FIP1L1: variants seen among roughly 807,000 people sequenced by gnomAD.
The protein encoded by FIP1L1 is factor interacting with PAPOLA and CPSF1, also known as pre-mRNA 3'-end-processing factor FIP1.
FIP1L1 carries 21 observed loss-of-function variants against 84.6 expected under a neutral mutation model. The ratio of observed to expected loss-of-function variants is 0.25; its 90% confidence interval spans 0.18 to 0.36. FIP1L1 has a LOEUF of 0.36. FIP1L1 is among the 10% of genes least tolerant of loss of function. The pLI is 1.00. For missense variants in FIP1L1, 526 were observed against 751.1 expected, an observed-to-expected ratio of 0.70 and a Z score of 3.50; for synonymous variants, 263 against 242.3, an observed-to-expected ratio of 1.09 and a Z score of -0.80.
chr4:53,457,844 CAGTT>C (rs1720127596), intron 16 of FIP1L1, among the ~76,000 whole-genome samples: 1 of 152,040 alleles, frequency 6.6e-6, no homozygotes, highest in African/African-American at 2.4e-5. Flanking sequence ...AAGAGAATGT[CAGTT>C]AAAGGACATG....
At chr4:53,456,889 GAA>G (rs1367898657) in intron 16 of FIP1L1, among the ~76,000 whole-genome samples, 1 of 151,924 alleles carries the variant, frequency 6.6e-6, no homozygotes, top group Non-Finnish European at 1.5e-5. Flanking sequence ...AGGGTAAGAG[GAA>G]AAAGAGTTAA....
intron 10 of FIP1L1, among the ~76,000 whole-genome samples, chr4:53,407,066 T>G (rs1753976507): frequency 6.6e-6 from 1 of 152,222 alleles, no homozygotes; most frequent in African/African-American, 2.4e-5. Context: ...TGAATGTGTT[T>G]GCTCTTGCTT....
At chr4:53,385,301 A>T (rs992635882) in intron 5 of FIP1L1, among the ~76,000 whole-genome samples, 1 of 152,138 alleles carries the variant, frequency 6.6e-6, no homozygotes, top group African/African-American at 2.4e-5. Flanking sequence ...GCAAATGACA[A>T]TTTTTTTGGA....
At chr4:53,417,264 C>G (rs982331400) in intron 11 of FIP1L1, among the ~76,000 whole-genome samples, 2 of 152,130 alleles carry the variant, frequency 1.3e-5, no homozygotes, top group Admixed American at 6.5e-5. Context: ...ACACCCTTCA[C>G]TTTAACTTTG....
intron 10 of FIP1L1, among the ~76,000 whole-genome samples, chr4:53,407,221 G>A (rs1271676784): frequency 2.6e-5 from 4 of 151,986 alleles, no homozygotes; most frequent in South Asian, 2.1e-4. Context: ...CTTTGTTCTC[G>A]TTGGTTTCAA....
At chr4:53,412,069 C>T (rs986337893) in intron 10 of FIP1L1, among the ~76,000 whole-genome samples, 1 of 151,944 alleles carries the variant, frequency 6.6e-6, no homozygotes, top group Non-Finnish European at 1.5e-5. Context: ...AAAATTTAAA[C>T]TTACAAAGAA....
chr4:53,379,075 C>G lies in FIP1L1; in HGVS notation c.88C>G (p.Pro30Ala). Residue 30 changes from proline (P) to alanine (A), a missense_variant and splice_region_variant, in exon 2 of 18, where the codon CCA becomes GCA. Pro to Ala is a conservative substitution (Grantham distance 27, BLOSUM62 -1). Around this residue, in one of 6 missense-constraint regions of FIP1L1, gnomAD observed 100 missense variants for 107.2 expected, o/e 0.93. Coordinates refer to ENST00000337488, the MANE Select transcript of FIP1L1 (RefSeq NM_030917.4). ...DEEEEWLYGG[P>A]WDVHVHSDLA... ...TCTAACTTTGGATGTGCTTATAGGC[C>G]CATGGGACGTGCATGTGCACAGTGA... 1 of 1,613,824 alleles carries G rather than the reference C, an allele frequency of 6.2e-7. No homozygotes were observed. The highest frequency in any genetic ancestry group is 2.2e-5 in the East Asian group (1 of 44,840).
At chr4:53,438,588 G>A (rs1293710808) in intron 13 of FIP1L1, among the ~76,000 whole-genome samples, 1 of 152,056 alleles carries the variant, frequency 6.6e-6, no homozygotes, top group Non-Finnish European at 1.5e-5. Context: ...CTGATGTGTA[G>A]GTATTGATTG....
At chr4:53,389,965 GTC>G in intron 6 of FIP1L1, 92 bp downstream of exon 6, 5 of 896,450 alleles carry the variant, frequency 5.6e-6, no homozygotes, top group Non-Finnish European at 8.6e-6. Flanking sequence ...CGGGGACAGA[GTC>G]TGGCTCTGTC....
chr4:53,381,753 C>CATTTTTTTTTTTTTTTTTTT (rs1738037866), intron 3 of FIP1L1, among the ~76,000 whole-genome samples: 1 of 87,948 alleles, frequency 1.1e-5, no homozygotes, highest in Non-Finnish European at 2.0e-5. Flanking sequence ...CATTTGCATT[C>CATTTTTTTTTTTTTTTTTTT]TTTTTTTTTT....
intron 15 of FIP1L1, among the ~76,000 whole-genome samples, chr4:53,446,416 T>C (rs1774224270): frequency 6.6e-6 from 1 of 152,188 alleles, no homozygotes; most frequent in Non-Finnish European, 1.5e-5. Flanking sequence ...ATTATCACCC[T>C]AATCTCCAAC....
chr4:53,442,254 C>G (rs1372311664), intron 13 of FIP1L1: 1 of 156,120 alleles, frequency 6.4e-6, no homozygotes, highest in Non-Finnish European at 1.4e-5. Flanking sequence ...TTCTAAAACT[C>G]GAAATATTTT....
chr4:53,458,511 A>G (rs1473496038), intron 16 of FIP1L1, 142 bp from the exon 17 acceptor site: 4 of 669,502 alleles, frequency 6.0e-6, no homozygotes, highest in African/African-American at 5.4e-5. Context: ...AATTCAACGA[A>G]TATTTCTTCC....
At chr4:53,439,017 T>C (rs530233607) in intron 13 of FIP1L1, among the ~76,000 whole-genome samples, 2 of 152,288 alleles carry the variant, frequency 1.3e-5, no homozygotes, top group South Asian at 2.1e-4. Context: ...CTGTATCTTA[T>C]AAATCTACGA....
chr4:53,459,155 T>C, intron 17 of FIP1L1, 147 bp from the exon 18 acceptor site: 2 of 658,378 alleles, frequency 3.0e-6, no homozygotes, highest in Non-Finnish European at 5.2e-6. Context: ...ATAAAACTGA[T>C]TATTCCTCAC....
intron 15 of FIP1L1, among the ~76,000 whole-genome samples, chr4:53,446,517 G>C (rs1000185031): frequency 2.6e-5 from 4 of 152,102 alleles, no homozygotes; most frequent in African/African-American, 9.7e-5. Flanking sequence ...CCTAGGTTTG[G>C]GTCCTGGGTT....
chr4:53,430,606 G>A (rs1241578578), intron 13 of FIP1L1, among the ~76,000 whole-genome samples: 1 of 151,962 alleles, frequency 6.6e-6, no homozygotes, highest in Non-Finnish European at 1.5e-5. Flanking sequence ...CAAAGTACTG[G>A]CATTACAGGC....
chr4:53,395,641 C>G (rs1560501150), intron 9 of FIP1L1, among the ~76,000 whole-genome samples: 1 of 152,172 alleles, frequency 6.6e-6, no homozygotes, highest in East Asian at 1.9e-4. Flanking sequence ...TAAGTTGATT[C>G]CCAAAGACAG....
chr4:53,379,246 C>T lies in FIP1L1; in HGVS notation c.152C>T (p.Pro51Leu), dbSNP rs1736481334. ...GTAGATGAAAATGAAGTTGAAAGGC[C>T]AGAAGAAGAAAATGCCAGGTTAGTG... ...KDLDENEVER[P>L]EEENASANPP... The change falls in exon 3 of 18, where the codon CCA becomes CTA. Residue 51 changes from proline (P) to leucine (L), a missense_variant. Around this residue, in one of 6 missense-constraint regions of FIP1L1, gnomAD observed 100 missense variants for 107.2 expected, o/e 0.93. Transcript: ENST00000337488. 5 of 1,600,326 alleles carry T rather than the reference C, an allele frequency of 3.1e-6. No homozygotes were observed. The South Asian group carries it at 5.7e-5, about 18-fold the overall frequency.
Sources: allele counts gnomAD v4.1 joint callset (sites outside exome capture counted in the v4.1 genomes callset), GRCh38; gene constraint gnomAD v4.1.1; regional missense constraint gnomAD v4.1.1; transcripts MANE v1.5; gene names NCBI Gene and HGNC (gene_info 2026-07-23, HGNC 2026-07-21).